ATP2B3: variants seen among roughly 807,000 people sequenced by gnomAD.
ATP2B3 encodes ATPase plasma membrane Ca2+ transporting 3.
ATP2B3 carries 12 observed loss-of-function variants against 70.8 expected under a neutral mutation model. The ratio of observed to expected loss-of-function variants is 0.17; its 90% CI spans 0.11 to 0.27. ATP2B3 has a LOEUF of 0.27. Ranked by LOEUF, ATP2B3 falls within the 10% of genes least tolerant of loss-of-function variation. ATP2B3 has a pLI of 1.00. For synonymous variants in ATP2B3, 460 were observed against 497.8 expected, an observed-to-expected ratio of 0.92 and a Z score of 1.01; for missense variants, 858 against 1,118.5, an observed-to-expected ratio of 0.77 and a Z score of 3.32.
chrX:153,577,213 C>A (rs782636894), intron 21 of ATP2B3, among the ~76,000 whole-genome samples: 1 of 113,145 alleles, frequency 8.8e-6, no homozygotes, highest in East Asian at 2.8e-4. Flanking sequence ...CTGGAGTAGC[C>A]GGTGAGACCG....
Position 153,581,783 on chromosome X carries a change from G to A in ATP2B3, c.*1485G>A, listed in dbSNP as rs782410886. The A allele has an allele frequency of 3.0e-4, 34 of 112,727 alleles. No individual in the cohort carries two copies. The highest frequency in any genetic ancestry group is 1.1e-3 in the African/African-American group (34 of 31,085). 9.3% of individuals were successfully genotyped at this position (112,727 alleles called of 1,213,427 possible). On this transcript the variant is annotated 3_prime_UTR_variant, in exon 22 of 22. Transcript: ENST00000263519. ...TCCCACCCTAGTCTTTGTGTCCAGC[G>A]GCCAAGCTTAAGCCATGAAGTCATG... is the stretch of plus-strand genomic sequence containing the variant.
intron 2 of ATP2B3, among the ~76,000 whole-genome samples, chrX:153,520,825 C>T (rs1270793385): frequency 4.4e-5 from 5 of 112,414 alleles, no homozygotes; most frequent in African/African-American, 1.6e-4. Flanking sequence ...TTCGTGTGAA[C>T]TCACTGTCTC....
At chrX:153,563,574 C>T (rs926658634) in intron 20 of ATP2B3, among the ~76,000 whole-genome samples, 1 of 112,001 alleles carries the variant, frequency 8.9e-6, no homozygotes, top group Non-Finnish European at 1.9e-5. Context: ...TTTCAGAATT[C>T]TCCTTTCCCT....
chrX:153,528,766 C>T (rs1244595676), intron 2 of ATP2B3, among the ~76,000 whole-genome samples: 8 of 112,125 alleles, frequency 7.1e-5, no homozygotes, highest in Admixed American at 4.7e-4. Flanking sequence ...TAGATAGCTG[C>T]GGCCGCACCT....
rs2090395022 is a variant in ATP2B3, at chrX:153,547,971, A to C, written c.1095A>C (p.Thr365=). The C allele has an allele frequency of 1.7e-6, 2 of 1,209,075 alleles. No homozygotes were observed. Among genetic ancestry groups the C allele is most frequent in the Admixed American group, 4.4e-5 (2 of 45,825 alleles). The change falls in exon 9 of 22, where the codon ACA becomes ACC. Residue 365 remains threonine, a synonymous_variant. Coordinates refer to ENST00000263519, the MANE Select transcript of ATP2B3 (RefSeq NM_001001344.3). ...KEKSVLQGKL[T]KLAVQIGKAG... The stretch of plus-strand genomic sequence containing the variant: ...AGTCTGTCCTTCAGGGGAAGCTCAC[A>C]AAGCTAGCCGTGCAGATCGGGAAAG...
At position 153,564,948 on chromosome X, in the gene ATP2B3, C is replaced by T; in HGVS notation, c.3187C>T (p.Leu1063Phe). 8.3e-7 allele frequency: 1 copy of T among 1,197,625 alleles called. No individual in the cohort carries two copies. Among genetic ancestry groups the T allele is most frequent in the Non-Finnish European group, 1.1e-6 (1 of 887,674 alleles). The change falls in exon 21 of 22, where the codon CTC becomes TTC. Residue 1063 changes from leucine (L) to phenylalanine (F), a missense_variant. Coordinates refer to ENST00000263519, the MANE Select transcript of ATP2B3 (RefSeq NM_001001344.3). ...CATTGCCACCATCCCCACCAGCCAG[C>T]TCAAGTGCCTGAAGGAAGCCGGGCA... Reference protein sequence around the residue: ...QVIATIPTSQLKCLKEAGHGP... With the variant: ...QVIATIPTSQFKCLKEAGHGP...
intron 21 of ATP2B3, among the ~76,000 whole-genome samples, chrX:153,565,332 G>T (rs1316591745): frequency 8.8e-6 from 1 of 113,478 alleles, no homozygotes; most frequent in Admixed American, 9.2e-5. Context: ...CTCCTTCAGA[G>T]CCCAGGCATC....
intron 2 of ATP2B3, among the ~76,000 whole-genome samples, chrX:153,523,290 G>A (rs1189926046): frequency 1.8e-5 from 2 of 112,558 alleles, no homozygotes; most frequent in Non-Finnish European, 3.8e-5. Flanking sequence ...GGATGTATCA[G>A]GCGGCCTTCA....
intron 2 of ATP2B3, among the ~76,000 whole-genome samples, chrX:153,522,760 C>T (rs2089976408): frequency 8.9e-6 from 1 of 112,089 alleles, no homozygotes. Context: ...GACCTCGCCT[C>T]GTGCTGACTC....
At chrX:153,567,412 T>A (rs1557018513) in intron 21 of ATP2B3, among the ~76,000 whole-genome samples, 1 of 113,269 alleles carries the variant, frequency 8.8e-6, no homozygotes, top group African/African-American at 3.2e-5. Context: ...CGTACCCCTG[T>A]TGTGCTACAG....
intron 2 of ATP2B3, among the ~76,000 whole-genome samples, chrX:153,519,577 C>G (rs1270892309): frequency 8.9e-6 from 1 of 112,413 alleles, no homozygotes; most frequent in African/African-American, 3.2e-5. Context: ...CTGTGGGACA[C>G]AGCTGAGACC....
chrX:153,549,365 G>A, intron 10 of ATP2B3, 132 bp from the exon 11 acceptor site: 12 of 1,132,477 alleles, frequency 1.1e-5, no homozygotes, highest in Non-Finnish European at 1.3e-5. Flanking sequence ...CTGACCAGGT[G>A]CCCAGTGGGC....
chrX:153,559,412 G>A (rs1459675952), intron 17 of ATP2B3: 5 of 294,939 alleles, frequency 1.7e-5, no homozygotes, highest in Non-Finnish European at 2.4e-5. Context: ...CAGGAGACAA[G>A]GAGAGCAGCC....
intron 20 of ATP2B3, among the ~76,000 whole-genome samples, chrX:153,564,262 G>C (rs1364492154): frequency 8.9e-6 from 1 of 112,928 alleles, no homozygotes; most frequent in Non-Finnish European, 1.9e-5. Context: ...TCCCAGCAAC[G>C]GTGTGGAGCG....
rs1557009342 is a variant in ATP2B3, at chrX:153,547,847, A to T, written c.971A>T (p.Asp324Val). The change falls in exon 9 of 22, where the codon GAT becomes GTT. Residue 324 changes from aspartate to valine, a missense_variant. Physicochemically the swap from Asp to Val is radical, Grantham distance 152. Transcript: ENST00000263519. ...CCTCTGTGTGCAGCTAAGAAGCAGGATGGTGCAGTGGCCATGGAGATGCAG... is the reference window on the plus strand; with the variant it reads ...CCTCTGTGTGCAGCTAAGAAGCAGGTTGGTGCAGTGGCCATGGAGATGCAG... ...ESSQTKAKKQDGAVAMEMQPL... is the reference protein window; with the variant it reads ...ESSQTKAKKQVGAVAMEMQPL... The T allele has an allele frequency of 8.3e-7, 1 of 1,201,428 alleles. No individual in the cohort carries two copies. Among genetic ancestry groups the T allele is most frequent in the Admixed American group, 2.2e-5 (1 of 45,377 alleles).
chrX:153,577,656 C>T (rs1306788810), intron 21 of ATP2B3, among the ~76,000 whole-genome samples: 1 of 112,570 alleles, frequency 8.9e-6, no homozygotes, highest in African/African-American at 3.2e-5. Context: ...GGATAAAGGC[C>T]TGAGTGAGAA....
intron 10 of ATP2B3, 151 bp from the exon 11 acceptor site, chrX:153,549,346 G>A (rs1557010266): frequency 9.5e-7 from 1 of 1,053,696 alleles, no homozygotes; most frequent in South Asian, 2.2e-5. Flanking sequence ...CCTCGCTATT[G>A]GCTCAGGGCT....
intron 11 of ATP2B3, 67 bp from the exon 12 acceptor site, chrX:153,549,978 G>A (rs1569534584): frequency 1.7e-6 from 2 of 1,179,109 alleles, no homozygotes; most frequent in Non-Finnish European, 2.3e-6. Context: ...GCAGAGCTGG[G>A]GCTCCAGGGG....
intron 2 of ATP2B3, among the ~76,000 whole-genome samples, chrX:153,532,745 C>G (rs782566142): frequency 1.2e-4 from 14 of 112,274 alleles, no homozygotes; most frequent in African/African-American, 4.5e-4. Flanking sequence ...CTTTTGGTGC[C>G]TACAGACCAT....
Sources: gnomAD v4.1 joint callset for allele counts (sites outside exome capture counted in the v4.1 genomes callset) on GRCh38, gnomAD v4.1.1 for gene constraint, MANE v1.5 for transcripts, NCBI Gene and HGNC (gene_info 2026-07-23, HGNC 2026-07-21) for gene names.